The following C12orf54 variants were observed in gnomAD, a reference collection of about 807,000 sequenced individuals.
C12orf54 encodes chromosome 12 open reading frame 54.
A neutral mutation model predicts 26.4 loss-of-function variants in C12orf54; 24 were observed. That is an observed-to-expected ratio of 0.91 (90% CI 0.66 to 1.28). C12orf54 has a LOEUF of 1.28. Among genes scored for constraint, C12orf54 ranks in the 50% most tolerant of loss-of-function variants. C12orf54 has a pLI of 0.00. For missense variants in C12orf54, 154 were observed against 150.9 expected, an observed-to-expected ratio of 1.02 and a Z score of -0.11; for synonymous variants, 54 against 47.0, an observed-to-expected ratio of 1.15 and a Z score of -0.61.
the C12orf54 span, among the ~76,000 whole-genome samples, chr12:48,439,636 C>T: frequency 1.3e-5 from 2 of 152,114 alleles, no homozygotes; most frequent in Non-Finnish European, 2.9e-5. Context: ...TCTCAGCAAA[C>T]TATTGCAAGG....
At chr12:48,453,475 G>GCACATCCTT in the C12orf54 span, among the ~76,000 whole-genome samples, 1 of 148,788 alleles carries the variant, frequency 6.7e-6, no homozygotes, top group Non-Finnish European at 1.5e-5. Context: ...TGCACATCCT[G>GCACATCCTT]CACATGTATC....
chr12:48,489,198 C>T (rs1256297698), intron 5 of C12orf54: 1 of 671,652 alleles, frequency 1.5e-6, no homozygotes, highest in East Asian at 2.9e-5. Context: ...TCTGCTAGAA[C>T]TTGTCTCAGC....
At chr12:48,430,086 G>A in the C12orf54 span, among the ~76,000 whole-genome samples, 1 of 152,034 alleles carries the variant, frequency 6.6e-6, no homozygotes, top group Non-Finnish European at 1.5e-5. Flanking sequence ...TTCAACAAAT[G>A]GTAATAAGAT....
chr12:48,486,727 G>A lies in C12orf54; in HGVS notation c.135+1G>A, dbSNP rs1042683948. 1.2e-6 allele frequency: 2 copies of A among 1,612,748 alleles called. No individual in the cohort carries two copies. The highest frequency in any genetic ancestry group is 1.3e-5 in the African/African-American group (1 of 74,994). On this transcript the variant is annotated splice_donor_variant, in intron 4 of 8. Transcript: ENST00000548364. LOFTEE classifies it high-confidence loss of function. The stretch of plus-strand genomic sequence containing the variant: ...CATCACTGAAACCCTGTGGGACCAG[G>A]TGAGTACAGAGGAATCATTTTTGAC...
chr12:48,433,446 GC>G, the C12orf54 span, among the ~76,000 whole-genome samples: 1 of 45,882 alleles, frequency 2.2e-5, no homozygotes, highest in South Asian at 1.1e-3. Flanking sequence ...TGTGCAACAA[GC>G]TTTTTTTTGG....
intron 6 of C12orf54, among the ~76,000 whole-genome samples, chr12:48,491,274 A>G (rs970445464): frequency 1.3e-5 from 2 of 152,178 alleles, no homozygotes; most frequent in African/African-American, 4.8e-5. Context: ...TAGACAACCA[A>G]CTTTTTCACT....
At chr12:48,480,885 A>G (rs1954191673), upstream of C12orf54, among the ~76,000 whole-genome samples, 1 of 152,222 alleles carries the variant, frequency 6.6e-6, no homozygotes, top group Admixed American at 6.5e-5. Flanking sequence ...CAATGCAGCC[A>G]TAAAAAATAA....
chr12:48,423,050 T>C, the C12orf54 span, among the ~76,000 whole-genome samples: 274 of 152,294 alleles, frequency 1.8e-3, no homozygotes, highest in African/African-American at 6.0e-3. Flanking sequence ...ACAACTTTCA[T>C]TTCAAATGCA....
chr12:48,424,443 C>T, the C12orf54 span, among the ~76,000 whole-genome samples: 1 of 152,028 alleles, frequency 6.6e-6, no homozygotes, highest in Non-Finnish European at 1.5e-5. Flanking sequence ...TGTTAAAATT[C>T]ACCACAAGGC....
At chr12:48,486,267 G>C (rs969167230) in intron 3 of C12orf54, 59 bp downstream of exon 3, 7 of 1,542,136 alleles carry the variant, frequency 4.5e-6, no homozygotes, top group Non-Finnish European at 6.3e-6. Flanking sequence ...TAGGGAGAGG[G>C]GAGGAGAAGA....
chr12:48,451,304 A>T, the C12orf54 span, among the ~76,000 whole-genome samples: 1 of 152,016 alleles, frequency 6.6e-6, no homozygotes, highest in Non-Finnish European at 1.5e-5. Flanking sequence ...AAAAAAAAAA[A>T]CTTCTCAATA....
At chr12:48,435,025 C>T in the C12orf54 span, among the ~76,000 whole-genome samples, 2 of 151,976 alleles carry the variant, frequency 1.3e-5, no homozygotes, top group African/African-American at 4.8e-5. Context: ...AAAAATTAGA[C>T]GAGTGGATAA....
chr12:48,437,294 G>A, the C12orf54 span, among the ~76,000 whole-genome samples: 1 of 152,106 alleles, frequency 6.6e-6, no homozygotes, highest in Non-Finnish European at 1.5e-5. Flanking sequence ...GGGACCAGAT[G>A]GATTCACAGC....
the C12orf54 span, among the ~76,000 whole-genome samples, chr12:48,438,514 G>A: frequency 6.6e-6 from 1 of 152,152 alleles, no homozygotes; most frequent in African/African-American, 2.4e-5. Flanking sequence ...ATACTACAAG[G>A]CTACAGTAAC....
At chr12:48,469,996 C>T in the C12orf54 span, among the ~76,000 whole-genome samples, 3 of 152,232 alleles carry the variant, frequency 2.0e-5, no homozygotes, top group African/African-American at 7.2e-5. Context: ...CCTCCATCTC[C>T]AACCACGTTG....
chr12:48,483,178 A>C, intron 1 of C12orf54, 62 bp from the exon 2 acceptor site: 1 of 776,324 alleles, frequency 1.3e-6, no homozygotes, highest in Non-Finnish European at 2.1e-6. Flanking sequence ...TCTCCACTGA[A>C]TAAGCGCTTT....
At chr12:48,427,534 C>A in the C12orf54 span, among the ~76,000 whole-genome samples, 1,356 of 151,972 alleles carry the variant, frequency 8.9e-3, 27 homozygotes, top group African/African-American at 0.03. Flanking sequence ...TGACCTGAAG[C>A]TTTCTTTGTT....
At chr12:48,467,542 C>T in the C12orf54 span, among the ~76,000 whole-genome samples, 1 of 151,974 alleles carries the variant, frequency 6.6e-6, no homozygotes, top group South Asian at 2.1e-4. Flanking sequence ...ATAAAAAGTA[C>T]ACAATGTATA....
At chr12:48,420,724 A>G in the C12orf54 span, among the ~76,000 whole-genome samples, 1 of 152,160 alleles carries the variant, frequency 6.6e-6, no homozygotes. Flanking sequence ...CCTCTCTGCT[A>G]ATGTCATCTA....
Sources: gnomAD v4.1 joint callset for allele counts (sites outside exome capture counted in the v4.1 genomes callset) on GRCh38, gnomAD v4.1.1 for gene constraint, MANE v1.5 for transcripts, NCBI Gene and HGNC (gene_info 2026-07-23, HGNC 2026-07-21) for gene names.